The following ARHGAP10 variants were observed in gnomAD, a reference collection of about 807,000 sequenced individuals.
ARHGAP10 encodes Rho GTPase activating protein 10.
A neutral mutation model predicts 108.6 loss-of-function variants in ARHGAP10; 87 were observed. The ratio of observed to expected loss-of-function variants is 0.80; its 90% confidence interval spans 0.67 to 0.96. The LOEUF is 0.96. Among genes scored for constraint, ARHGAP10 ranks in the 40% least tolerant of loss-of-function variants. The probability of loss-of-function intolerance (pLI) is 0.00; values close to 1 mark genes in which losing one functional copy is unlikely to be tolerated. For missense variants in ARHGAP10, 939 were observed against 954.5 expected (o/e 0.98, Z 0.21); for synonymous variants, 347 against 341.1 (o/e 1.02, Z -0.19).
At position 148,006,396 on chromosome 4, in the gene ARHGAP10, A is replaced by G. The variant is rs1740954788; in HGVS notation, c.1717-16867A>G. Among the ~76,000 whole-genome samples the G allele has an allele frequency of 2.0e-5, 3 of 152,024 alleles. No homozygotes were observed. In the South Asian group the frequency reaches 6.2e-4, roughly 32 times the overall value. ...AAATGGTGGGAACGTCAAATATATG[A>G]CCCTTGTCAGCCTGTTCCAGCTATT... On this transcript the variant is annotated intron_variant, in intron 18 of 22. Coordinates refer to ENST00000336498, the MANE Select transcript of ARHGAP10 (RefSeq NM_024605.4).
chr4:147,830,827 C>T (rs1256220356), intron 3 of ARHGAP10, among the ~76,000 whole-genome samples: 4 of 152,174 alleles, frequency 2.6e-5, no homozygotes, highest in African/African-American at 9.7e-5. Context: ...GTTGAAACCA[C>T]AGTTAACTTT....
At chr4:147,875,641 TC>T (rs1288203430) in intron 8 of ARHGAP10, among the ~76,000 whole-genome samples, 1 of 152,202 alleles carries the variant, frequency 6.6e-6, no homozygotes, top group African/African-American at 2.4e-5. Flanking sequence ...TTTTTCTTCT[TC>T]CTTCATACCA....
chr4:147,904,530 A>G (rs1050255914), intron 10 of ARHGAP10, among the ~76,000 whole-genome samples: 9 of 151,934 alleles, frequency 5.9e-5, no homozygotes, highest in African/African-American at 1.7e-4. Flanking sequence ...ATGATTTCCA[A>G]TTTCATCCAT....
chr4:148,055,159 C>T (rs1484853336), intron 20 of ARHGAP10, among the ~76,000 whole-genome samples: 6 of 152,208 alleles, frequency 3.9e-5, no homozygotes, highest in Non-Finnish European at 5.9e-5. Context: ...TGCGCCTGTT[C>T]TCTTACAGCA....
At position 148,063,186 on chromosome 4, in the gene ARHGAP10, A is replaced by T. The variant is rs1320290052; in HGVS notation, c.2066A>T (p.Asn689Ile). 7 of 1,613,988 alleles carry T rather than the reference A, an allele frequency of 4.3e-6. No homozygotes were observed. Among genetic ancestry groups the T allele is most frequent in the Non-Finnish European group, 5.1e-6 (6 of 1,180,028 alleles). Reference sequence around the variant, plus strand: ...CGATCGTCTATGGTCCAGTGGCTTAACCCACAGTCTCCAACCACAACAAGC... The same window carrying T: ...CGATCGTCTATGGTCCAGTGGCTTATCCCACAGTCTCCAACCACAACAAGC... ...QTRSSMVQWL[N>I]PQSPTTTSSN... Residue 689 changes from asparagine to isoleucine, a missense_variant, in exon 21 of 23, where the codon AAC becomes ATC. Transcript: ENST00000336498.
chr4:147,922,978 A>G (rs1327322363), intron 13 of ARHGAP10, among the ~76,000 whole-genome samples: 1 of 152,166 alleles, frequency 6.6e-6, no homozygotes, highest in African/African-American at 2.4e-5. Context: ...CTCATTTCTA[A>G]ATACAGGCAT....
At chr4:147,750,742 C>T (rs1729106525) in intron 1 of ARHGAP10, among the ~76,000 whole-genome samples, 1 of 151,738 alleles carries the variant, frequency 6.6e-6, no homozygotes, top group Non-Finnish European at 1.5e-5. Context: ...GCTGGGACTA[C>T]AGTCACGCAC....
In ARHGAP10 at chr4:147,837,643, GTTTTTT is replaced by G. The variant is rs59933316; in HGVS notation, c.313-9494_313-9489del. On this transcript the variant is annotated intron_variant, in intron 3 of 22. Transcript: ENST00000336498. ...CACCTCGCTAGAATCTCTGGTCACT[GTTTTTT>G]TTTTTTTTTTTTTAAAGCAGTAGCT... 5.3e-4 allele frequency among the ~76,000 whole-genome samples: 37 copies of G among 70,220 alleles called. 1 individual carries two copies. Among genetic ancestry groups the G allele is most frequent in the African/African-American group, 1.3e-3 (33 of 25,472 alleles). The allele number at this position is 70,220 out of a possible 152,430, so 46.1% of individuals were successfully genotyped here. A position where few individuals can be genotyped will look rare whatever the true frequency, so the allele number is the denominator to read the frequency against.
intron 13 of ARHGAP10, among the ~76,000 whole-genome samples, chr4:147,923,135 T>A (rs530659855): frequency 6.6e-6 from 1 of 152,368 alleles, no homozygotes; most frequent in African/African-American, 2.4e-5. Flanking sequence ...AATTGGTACT[T>A]TCACATAACA....
At chr4:147,816,539 T>C (rs6535562) in intron 1 of ARHGAP10, among the ~76,000 whole-genome samples, 147,772 of 152,370 alleles carry the variant, frequency 0.97, 71,668 homozygotes, top group East Asian at 1. Flanking sequence ...GGGCCAGGAA[T>C]GCTTTACCAG....
intron 1 of ARHGAP10, among the ~76,000 whole-genome samples, chr4:147,788,969 A>G (rs1288096522): frequency 6.6e-6 from 1 of 152,186 alleles, no homozygotes; most frequent in East Asian, 1.9e-4. Flanking sequence ...TCATGCCATA[A>G]ACTTATCCGG....
At chr4:147,920,963 G>T (rs1737209565) in intron 13 of ARHGAP10, among the ~76,000 whole-genome samples, 2 of 152,222 alleles carry the variant, frequency 1.3e-5, no homozygotes, top group Admixed American at 1.3e-4. Flanking sequence ...GCATTTGATT[G>T]TAAAGGAACT....
At position 148,063,143 on chromosome 4, in the gene ARHGAP10, C is replaced by G; in HGVS notation, c.2028-5C>G. The stretch of plus-strand genomic sequence containing the variant: ...TAATCCTGTCCTTCAAACTCCTACC[C>G]TTAGCCCAGGCCAGACCCGATCGTC... On this transcript the variant is annotated splice_region_variant and splice_polypyrimidine_tract_variant and intron_variant, in intron 20 of 22. Transcript: ENST00000336498. 6 of 1,614,108 alleles carry G rather than the reference C, an allele frequency of 3.7e-6. No homozygotes were observed. The South Asian group carries it at 6.6e-5, about 18-fold the overall frequency.
intron 1 of ARHGAP10, among the ~76,000 whole-genome samples, chr4:147,748,589 A>T (rs1729022840): frequency 6.6e-6 from 1 of 152,210 alleles, no homozygotes. Context: ...TTTGGATGTG[A>T]TAGCATTGAT....
intron 1 of ARHGAP10, among the ~76,000 whole-genome samples, chr4:147,816,012 T>C (rs1397288863): frequency 1.3e-5 from 2 of 152,226 alleles, no homozygotes; most frequent in African/African-American, 4.8e-5. Flanking sequence ...TACGTAAGTG[T>C]CAGCTGTTTT....
chr4:147,831,665 G>A (rs1372135815), intron 3 of ARHGAP10, among the ~76,000 whole-genome samples: 2 of 152,176 alleles, frequency 1.3e-5, no homozygotes, highest in Non-Finnish European at 2.9e-5. Context: ...CAATTGGACA[G>A]CATTGCTTTT....
chr4:148,001,660 A>C (rs1184521827), intron 18 of ARHGAP10, among the ~76,000 whole-genome samples: 1 of 150,618 alleles, frequency 6.6e-6, no homozygotes, highest in East Asian at 1.9e-4. Flanking sequence ...TAGGTATTTT[A>C]TTCTCTTTGA....
chr4:147,908,949 A>C (rs1736618322), intron 11 of ARHGAP10, among the ~76,000 whole-genome samples: 1 of 152,074 alleles, frequency 6.6e-6, no homozygotes, highest in Non-Finnish European at 1.5e-5. Flanking sequence ...GTGTGTTATT[A>C]ACTGAGAAAA....
chr4:147,935,111 G>A (rs148624897), intron 13 of ARHGAP10, among the ~76,000 whole-genome samples: 75 of 152,268 alleles, frequency 4.9e-4, no homozygotes, highest in Non-Finnish European at 8.2e-4. Context: ...GAATGTAGCC[G>A]CAGAGGATGC....
Sources: allele counts gnomAD v4.1 joint callset (sites outside exome capture counted in the v4.1 genomes callset), GRCh38; gene constraint gnomAD v4.1.1; transcripts MANE v1.5; gene names NCBI Gene and HGNC (gene_info 2026-07-23, HGNC 2026-07-21).